Variants in CTNNA1 observed in about 807,000 individuals in gnomAD.
CTNNA1 encodes catenin alpha 1.
In CTNNA1, 37 loss-of-function variants were observed where a neutral mutation model predicts 98.4. That is an observed-to-expected ratio of 0.38 (90% CI 0.29 to 0.49). The LOEUF is 0.49. Among genes scored for constraint, CTNNA1 ranks in the 20% least tolerant of loss-of-function variants. CTNNA1 has a pLI of 0.95. For synonymous variants in CTNNA1, 404 were observed against 413.2 expected (o/e 0.98, Z 0.27); for missense variants, 761 against 1,147.2 (o/e 0.66, Z 4.86).
At chr5:138,933,449 TC>T (rs1284939316) in intron 17 of CTNNA1, among the ~76,000 whole-genome samples, 3 of 152,170 alleles carry the variant, frequency 2.0e-5, no homozygotes, top group Non-Finnish European at 4.4e-5. Context: ...GCCATAAACA[TC>T]CCTGTCTCGA....
At chr5:138,802,036 C>T (rs145981183) in intron 3 of CTNNA1, among the ~76,000 whole-genome samples, 2 of 152,052 alleles carry the variant, frequency 1.3e-5, no homozygotes, top group East Asian at 1.9e-4. Context: ...GACAAATAAG[C>T]GTAGATATTG....
chr5:138,827,743 A>C (rs1320069342), intron 7 of CTNNA1, 25 bp downstream of exon 7: 1 of 1,612,908 alleles, frequency 6.2e-7, no homozygotes, highest in South Asian at 1.1e-5. Context: ...TTTTCTTTGA[A>C]GTAAGATATT....
At chr5:138,801,095 G>A (rs1757529155) in intron 3 of CTNNA1, among the ~76,000 whole-genome samples, 1 of 152,192 alleles carries the variant, frequency 6.6e-6, no homozygotes, top group Non-Finnish European at 1.5e-5. Flanking sequence ...GAGATGATTA[G>A]CATCGCATGC....
chr5:138,848,593 C>A (rs1020480051), intron 7 of CTNNA1, among the ~76,000 whole-genome samples: 1 of 152,150 alleles, frequency 6.6e-6, no homozygotes, highest in Non-Finnish European at 1.5e-5. Context: ...AAGACTGTGT[C>A]CCTGTTGACT....
chr5:138,865,420 T>G, intron 7 of CTNNA1, among the ~76,000 whole-genome samples: 1 of 152,222 alleles, frequency 6.6e-6, no homozygotes, highest in Non-Finnish European at 1.5e-5. Context: ...CTCTAGAACC[T>G]CCTTAGAGGG....
intron 7 of CTNNA1, among the ~76,000 whole-genome samples, chr5:138,839,728 T>C (rs1762114263): frequency 6.6e-6 from 1 of 152,216 alleles, no homozygotes; most frequent in Admixed American, 6.5e-5. Flanking sequence ...TTTAGTTACA[T>C]TCAGTGGGAC....
chr5:138,792,047 T>C (rs1340727213), intron 3 of CTNNA1, among the ~76,000 whole-genome samples: 6 of 151,946 alleles, frequency 3.9e-5, no homozygotes, highest in African/African-American at 1.2e-4. Context: ...GGATGGAAAA[T>C]GAGAGTTCTT....
At chr5:138,886,438 T>C in intron 8 of CTNNA1, 146 bp downstream of exon 8, 1 of 817,642 alleles carries the variant, frequency 1.2e-6, no homozygotes, top group South Asian at 2.0e-5. Context: ...GTTTTGTTGC[T>C]AATATGCTTC....
chr5:138,764,549 G>A (rs960343736), intron 1 of CTNNA1, among the ~76,000 whole-genome samples: 2 of 151,294 alleles, frequency 1.3e-5, no homozygotes, highest in African/African-American at 2.4e-5. Flanking sequence ...TCAGTTGACC[G>A]CAACCTCTGC....
chr5:138,867,642 T>A (rs1314086095), intron 7 of CTNNA1, among the ~76,000 whole-genome samples: 1 of 152,202 alleles, frequency 6.6e-6, no homozygotes, highest in Non-Finnish European at 1.5e-5. Context: ...TTTCTCTTCC[T>A]TCTCGGCCTA....
intron 11 of CTNNA1, among the ~76,000 whole-genome samples, chr5:138,921,728 G>A (rs1401129698): frequency 6.6e-6 from 1 of 150,518 alleles, no homozygotes; most frequent in African/African-American, 2.5e-5. Context: ...AGCCTCCTGA[G>A]TAGCTGGGAT....
chr5:138,879,630 AT>A (rs1291461461), intron 7 of CTNNA1, among the ~76,000 whole-genome samples: 2 of 151,984 alleles, frequency 1.3e-5, no homozygotes, highest in Non-Finnish European at 2.9e-5. Flanking sequence ...AATTAAAAAA[AT>A]TTTTTTCGTG....
rs778197622 is a variant in CTNNA1, at chr5:138,781,917, A to G, written c.-2-6A>G. Reference sequence around the variant, plus strand: ...TTGCCTGACTGACTTTTTGTTTCTTATTTAGAAATGACTGCTGTCCATGCA... The same window carrying G: ...TTGCCTGACTGACTTTTTGTTTCTTGTTTAGAAATGACTGCTGTCCATGCA... On this transcript the variant is annotated splice_polypyrimidine_tract_variant and splice_region_variant and intron_variant, in intron 1 of 17. Coordinates refer to ENST00000302763, the MANE Select transcript of CTNNA1 (RefSeq NM_001903.5). The G allele has an allele frequency of 6.4e-7, 1 of 1,572,806 alleles. No homozygotes were observed. Among genetic ancestry groups the G allele is most frequent in the East Asian group, 2.3e-5 (1 of 43,894 alleles).
At chr5:138,830,010 C>G (rs929084942) in intron 7 of CTNNA1, among the ~76,000 whole-genome samples, 26 of 151,876 alleles carry the variant, frequency 1.7e-4, no homozygotes, top group African/African-American at 6.3e-4. Context: ...ACTAAAAATA[C>G]AAAAAAATTA....
chr5:138,829,675 G>T (rs997004492), intron 7 of CTNNA1, among the ~76,000 whole-genome samples: 9 of 152,168 alleles, frequency 5.9e-5, no homozygotes, highest in Non-Finnish European at 1.0e-4. Context: ...CTGAAGACAT[G>T]GAGACTGCAG....
At chr5:138,867,809 G>C (rs1478161828) in intron 7 of CTNNA1, among the ~76,000 whole-genome samples, 1 of 150,042 alleles carries the variant, frequency 6.7e-6, no homozygotes, top group African/African-American at 2.5e-5. Context: ...CTGGAGTGCA[G>C]TGGCATGATC....
chr5:138,804,969 T>G (rs1757934626), intron 3 of CTNNA1, among the ~76,000 whole-genome samples: 1 of 152,160 alleles, frequency 6.6e-6, no homozygotes, highest in Non-Finnish European at 1.5e-5. Flanking sequence ...GAAAGCATAG[T>G]GTCTTCTCCT....
At chr5:138,872,699 A>T (rs1750789950) in intron 7 of CTNNA1, 1 of 202,826 alleles carries the variant, frequency 4.9e-6, no homozygotes, top group African/African-American at 2.3e-5. Flanking sequence ...GTAGAAAAAA[A>T]TAGTATATGG....
chr5:138,783,467 T>C (rs1005834641), intron 3 of CTNNA1, 95 bp downstream of exon 3: 34 of 1,011,728 alleles, frequency 3.4e-5, no homozygotes, highest in South Asian at 1.3e-4. Context: ...CTCATTCTTA[T>C]GCTTGCCAAT....
Sources: allele counts gnomAD v4.1 joint callset (sites outside exome capture counted in the v4.1 genomes callset), GRCh38; gene constraint gnomAD v4.1.1; transcripts MANE v1.5; gene names NCBI Gene and HGNC (gene_info 2026-07-23, HGNC 2026-07-21).